ARHGAP5: variants seen among roughly 807,000 people sequenced by gnomAD.
ARHGAP5 encodes the protein rho GTPase-activating protein 5.
Under a neutral mutation model 116.6 loss-of-function variants are expected in ARHGAP5, and 23 were observed. The observed-to-expected ratio is 0.20, with a 90% CI of 0.14 to 0.28. ARHGAP5 has a LOEUF of 0.28. ARHGAP5 is among the 10% of genes least tolerant of loss of function. The pLI is 1.00. For missense variants in ARHGAP5, 1,405 were observed against 1,774.8 expected (o/e 0.79, Z 3.74); for synonymous variants, 574 against 602.0 (o/e 0.95, Z 0.68).
At chr14:32,128,535 G>A (rs528130765) in intron 3 of ARHGAP5, among the ~76,000 whole-genome samples, 18 of 152,320 alleles carry the variant, frequency 1.2e-4, no homozygotes, top group African/African-American at 4.1e-4. Context: ...GTCGGCTATC[G>A]GTGCTGAGGC....
At chr14:32,142,661 A>T (rs1043177436) in intron 3 of ARHGAP5, among the ~76,000 whole-genome samples, 1 of 152,222 alleles carries the variant, frequency 6.6e-6, no homozygotes, top group Non-Finnish European at 1.5e-5. Context: ...TTTCAGAATA[A>T]GGTTGGTATT....
At chr14:32,107,436 T>C (rs1879069959) in intron 2 of ARHGAP5, among the ~76,000 whole-genome samples, 1 of 152,170 alleles carries the variant, frequency 6.6e-6, no homozygotes. Flanking sequence ...ACAGAAATCT[T>C]ATGTGTGAAG....
intron 2 of ARHGAP5, among the ~76,000 whole-genome samples, chr14:32,106,352 C>T (rs921288439): frequency 2.4e-4 from 36 of 152,068 alleles, no homozygotes; most frequent in Non-Finnish European, 2.5e-4. Flanking sequence ...AACTCCTGAC[C>T]TCGTGATCCA....
chr14:32,154,763 A>G lies in ARHGAP5; in HGVS notation c.4324A>G (p.Ile1442Val), dbSNP rs758330000. ...TCATCAATCTGTTGTTGAAACATTC[A>G]TTCAGCAGTGTCAGTTTTTCTTTTA... ...KIHQSVVETF[I>V]QQCQFFFYNG... Residue 1442 changes from isoleucine to valine, a missense_variant, in exon 7 of 7, where the codon ATT becomes GTT. Physicochemically the swap from Ile to Val is conservative, Grantham distance 29. Coordinates refer to ENST00000345122, the MANE Select transcript of ARHGAP5 (RefSeq NM_001030055.2). 22 of 1,614,200 alleles carry G rather than the reference A, an allele frequency of 1.4e-5. No individual in the cohort carries two copies. The highest frequency in any genetic ancestry group is 1.8e-5 in the Non-Finnish European group (21 of 1,180,020).
Position 32,094,399 on chromosome 14 carries a change from T to G in ARHGAP5, c.3717+13T>G. The G allele has an allele frequency of 6.5e-7, 1 of 1,536,384 alleles. No individual in the cohort carries two copies. The highest frequency in any genetic ancestry group is 1.3e-5 in the South Asian group (1 of 78,008). On this transcript the variant is annotated intron_variant, in intron 2 of 6. Coordinates refer to ENST00000345122, the MANE Select transcript of ARHGAP5 (RefSeq NM_001030055.2). The stretch of plus-strand genomic sequence containing the variant: ...AGAAGATAAAAAGGTAAGGTTAACT[T>G]AAGGTCAGTGATGTTTATAAAAATG...
chr14:32,087,820 A>G (rs1168054844), intron 1 of ARHGAP5, among the ~76,000 whole-genome samples: 2 of 152,020 alleles, frequency 1.3e-5, no homozygotes, highest in Non-Finnish European at 2.9e-5. Context: ...AAACTTGAAC[A>G]TTTAAGATTC....
chr14:32,144,581 T>G (rs1881289516), intron 3 of ARHGAP5, among the ~76,000 whole-genome samples: 2 of 152,096 alleles, frequency 1.3e-5, no homozygotes, highest in Non-Finnish European at 2.9e-5. Context: ...CCTCCTGGGT[T>G]CAAGTGATTC....
intron 5 of ARHGAP5, 110 bp downstream of exon 5, chr14:32,150,143 A>G (rs1881577396): frequency 6.9e-6 from 6 of 869,486 alleles, no homozygotes; most frequent in Non-Finnish European, 8.0e-6. Flanking sequence ...ATAAAAATTA[A>G]CTTAACTAGA....
At chr14:32,146,135 C>G in intron 3 of ARHGAP5, 128 bp from the exon 4 acceptor site, 1 of 616,918 alleles carries the variant, frequency 1.6e-6, no homozygotes. Context: ...TGGGCTCAAA[C>G]TCCTGGGCCA....
chr14:32,111,042 G>A (rs1879266810), intron 2 of ARHGAP5, among the ~76,000 whole-genome samples: 1 of 152,318 alleles, frequency 6.6e-6, no homozygotes, highest in African/African-American at 2.4e-5. Context: ...AGCTGCGCTG[G>A]AAGTAATAAT....
At chr14:32,125,179 C>G (rs1310151775) in intron 3 of ARHGAP5, among the ~76,000 whole-genome samples, 1 of 152,204 alleles carries the variant, frequency 6.6e-6, no homozygotes, top group Non-Finnish European at 1.5e-5. Flanking sequence ...TTCCCCACTA[C>G]TCCAGTCCCT....
chr14:32,148,255 G>A (rs116126531), intron 4 of ARHGAP5, among the ~76,000 whole-genome samples: 4,491 of 151,840 alleles, frequency 0.03, 213 homozygotes, highest in African/African-American at 0.1. Context: ...TTAGACAATG[G>A]TATTAAATTG....
At chr14:32,142,355 C>A (rs2139130790) in intron 3 of ARHGAP5, among the ~76,000 whole-genome samples, 1 of 152,220 alleles carries the variant, frequency 6.6e-6, no homozygotes, top group East Asian at 1.9e-4. Flanking sequence ...TATAATATGG[C>A]AGCTCTGGAA....
chr14:32,094,189 G>A lies in ARHGAP5; in HGVS notation c.3520G>A (p.Asp1174Asn). ...GTCATACTATAGAAGAACACATTCA[G>A]ATGCCAGTGATGATGAGGCTTTCAC... ...AKSYYRRTHS[D>N]ASDDEAFTTS... Residue 1174 changes from aspartate (D) to asparagine (N), a missense_variant, in exon 2 of 7, where the codon GAT becomes AAT. Asp to Asn is a conservative substitution (Grantham distance 23, BLOSUM62 1). Coordinates refer to ENST00000345122, the MANE Select transcript of ARHGAP5 (RefSeq NM_001030055.2). The A allele has an allele frequency of 1.2e-6, 2 of 1,612,498 alleles. No individual in the cohort carries two copies. Among genetic ancestry groups the A allele is most frequent in the Non-Finnish European group, 1.7e-6 (2 of 1,179,684 alleles).
At chr14:32,113,855 C>G (rs765697767) in intron 2 of ARHGAP5, among the ~76,000 whole-genome samples, 1 of 152,170 alleles carries the variant, frequency 6.6e-6, no homozygotes, top group Non-Finnish European at 1.5e-5. Context: ...TTATATTCCT[C>G]AGATGGTATT....
At chr14:32,089,336 A>G (rs180675127) in intron 1 of ARHGAP5, among the ~76,000 whole-genome samples, 48 of 151,440 alleles carry the variant, frequency 3.2e-4, no homozygotes, top group African/African-American at 1.1e-3. Flanking sequence ...CTTTTCTTAG[A>G]TTTTTTTTGT....
intron 3 of ARHGAP5, among the ~76,000 whole-genome samples, chr14:32,127,974 C>T (rs569655083): frequency 8.1e-5 from 12 of 147,834 alleles, no homozygotes; most frequent in Admixed American, 6.0e-4. Context: ...GACGGGGTGG[C>T]GGCCGGGCAG....
At position 32,094,111 on chromosome 14, in the gene ARHGAP5, C is replaced by T. The variant is rs1438245474; in HGVS notation, c.3442C>T (p.Arg1148Trp). Residue 1148 changes from arginine to tryptophan, a missense_variant, in exon 2 of 7, where the codon CGG (arginine) becomes TGG (tryptophan). Transcript: ENST00000345122. The part of the protein sequence containing the change: ...SDRTSKSHGE[R>W]RPSKYKYKSK... ...TAGAACCTCAAAAAGTCATGGGGAA[C>T]GGAGGCCTTCAAAATACAAATATAA... The T allele has an allele frequency of 8.1e-6, 13 of 1,613,986 alleles. No homozygotes were observed. Among genetic ancestry groups the T allele is most frequent in the East Asian group, 6.7e-5 (3 of 44,866 alleles).
chr14:32,078,436 C>G (rs1366246931), intron 1 of ARHGAP5: 1 of 152,194 alleles, frequency 6.6e-6, no homozygotes, highest in Non-Finnish European at 1.5e-5. Context: ...TGAGATAGAG[C>G]AAGATAGGCA....
Sources: allele counts gnomAD v4.1 joint callset (sites outside exome capture counted in the v4.1 genomes callset), GRCh38; gene constraint gnomAD v4.1.1; transcripts MANE v1.5; gene names NCBI Gene and HGNC (gene_info 2026-07-23, HGNC 2026-07-21).